BACE2: variants seen among roughly 807,000 people sequenced by gnomAD.
BACE2 encodes the protein beta-secretase 2.
A neutral mutation model predicts 46.2 loss-of-function variants in BACE2; 17 were observed. The observed-to-expected ratio is 0.37, with a 90% CI of 0.25 to 0.55. The LOEUF is 0.55. Among genes scored for constraint, BACE2 ranks in the 20% least tolerant of loss-of-function variants. The pLI is 0.82. For synonymous variants in BACE2, 277 were observed against 295.9 expected, an observed-to-expected ratio of 0.94 and a Z score of 0.66; for missense variants, 595 against 698.1, an observed-to-expected ratio of 0.85 and a Z score of 1.66.
At chr21:41,201,429 G>T (rs1335857447) in intron 1 of BACE2, among the ~76,000 whole-genome samples, 1 of 152,260 alleles carries the variant, frequency 6.6e-6, no homozygotes, top group Non-Finnish European at 1.5e-5. Flanking sequence ...AAGGGCTGAA[G>T]CCATCGAGCT....
chr21:41,275,719 T>C lies in BACE2; in HGVS notation c.*95T>C. 1 of 1,450,390 alleles carries C rather than the reference T, an allele frequency of 6.9e-7. No homozygotes were observed. Among genetic ancestry groups the C allele is most frequent in the Non-Finnish European group, 9.3e-7 (1 of 1,072,490 alleles). The allele number at this position is 1,450,390 out of a possible 1,614,324, so 89.8% of individuals were successfully genotyped here. A position where few individuals can be genotyped will look rare whatever the true frequency, so the allele number is the denominator to read the frequency against. On this transcript the variant is annotated 3_prime_UTR_variant, in exon 9 of 9. Transcript: ENST00000330333. ...CGGGATCGATGGTGGCGCTTTCTCC[T>C]GTGCCCACCCGTCTTCAATCTCTGT...
intron 1 of BACE2, among the ~76,000 whole-genome samples, chr21:41,206,975 T>C (rs966294390): frequency 5.3e-5 from 8 of 152,216 alleles, no homozygotes; most frequent in African/African-American, 1.4e-4. Flanking sequence ...TGTTGGTAAC[T>C]AGGGTAAAGT....
chr21:41,169,929 G>C (rs953934288), intron 1 of BACE2, among the ~76,000 whole-genome samples: 6 of 152,166 alleles, frequency 3.9e-5, no homozygotes, highest in Non-Finnish European at 8.8e-5. Flanking sequence ...ATGTGGTCTT[G>C]GTGCAGCCAA....
chr21:41,249,863 A>G (rs1458357744), intron 6 of BACE2, among the ~76,000 whole-genome samples: 4 of 152,168 alleles, frequency 2.6e-5, no homozygotes, highest in Admixed American at 1.3e-4. Context: ...TTAACTTGCC[A>G]TCTCAGCAAC....
At chr21:41,213,728 C>G (rs1320003866) in intron 1 of BACE2, among the ~76,000 whole-genome samples, 2 of 151,690 alleles carry the variant, frequency 1.3e-5, no homozygotes, top group Admixed American at 6.6e-5. Context: ...GAGCCAAGAT[C>G]GCGCCACTGC....
chr21:41,272,925 C>T (rs774260423), intron 8 of BACE2, among the ~76,000 whole-genome samples: 6 of 152,108 alleles, frequency 3.9e-5, no homozygotes, highest in East Asian at 1.9e-4. Flanking sequence ...CATTATTTCA[C>T]GTAGGTTCTT....
chr21:41,223,118 C>T (rs112862278), intron 1 of BACE2, among the ~76,000 whole-genome samples: 41 of 152,248 alleles, frequency 2.7e-4, no homozygotes, highest in African/African-American at 9.6e-4. Flanking sequence ...CTTTAGGAGG[C>T]CAAGACGAGA....
chr21:41,262,599 A>C (rs1245584149), intron 8 of BACE2, among the ~76,000 whole-genome samples: 1 of 152,154 alleles, frequency 6.6e-6, no homozygotes, highest in Non-Finnish European at 1.5e-5. Flanking sequence ...TTACAGAATT[A>C]ACTTGAGAAG....
At chr21:41,186,322 C>T (rs569992667) in intron 1 of BACE2, 3 of 152,420 alleles carry the variant, frequency 2.0e-5, no homozygotes, top group Non-Finnish European at 4.4e-5. Context: ...GGACACTTGG[C>T]TGTCCACTCA....
intron 1 of BACE2, among the ~76,000 whole-genome samples, chr21:41,218,212 C>T (rs1986533352): frequency 6.6e-6 from 1 of 152,098 alleles, no homozygotes; most frequent in Non-Finnish European, 1.5e-5. Flanking sequence ...AAGAATTCTT[C>T]AGTAACCAAG....
chr21:41,193,159 A>AT lies in BACE2; in HGVS notation c.312+24585dup, dbSNP rs2123516359. On this transcript the variant is annotated intron_variant, in intron 1 of 8. Coordinates refer to ENST00000330333, the MANE Select transcript of BACE2 (RefSeq NM_012105.5). This position sits in a 1 kb window ranked among gnomAD's most constrained non-coding sequence, Gnocchi z 4.2. ...GATCAAGGTCTCTCCAAATAAGATT[A>AT]TGACATAAAGCCGGAGAGTTTACTG... 6.6e-6 allele frequency among the ~76,000 whole-genome samples: 1 copy of AT among 152,316 alleles called. No homozygotes were observed. Among genetic ancestry groups the AT allele is most frequent in the South Asian group, 2.1e-4 (1 of 4,814 alleles).
chr21:41,234,223 T>C (rs9979662), intron 2 of BACE2, among the ~76,000 whole-genome samples: 2 of 152,154 alleles, frequency 1.3e-5, no homozygotes, highest in Non-Finnish European at 2.9e-5. Flanking sequence ...ATGTAAGACA[T>C]GCCTTTCACC....
At chr21:41,214,927 T>C (rs879544171) in intron 1 of BACE2, among the ~76,000 whole-genome samples, 2 of 146,810 alleles carry the variant, frequency 1.4e-5, no homozygotes, top group Non-Finnish European at 3.0e-5. Context: ...GAGGAAGAGG[T>C]ATGGGGGGAG....
chr21:41,243,441 G>A lies in BACE2; in HGVS notation c.813G>A (p.Glu271=), dbSNP rs1568883667. ...GDIWYTPIKE[E]WYYQIEILKL... ...TCTGGTATACCCCTATTAAGGAAGA[G>A]TGGTACTACCAGATAGAAATTCTGA... Residue 271 remains glutamate (E), a synonymous_variant, in exon 5 of 9, where the codon GAG becomes GAA. Transcript: ENST00000330333. 13 of 1,613,098 alleles carry A rather than the reference G, an allele frequency of 8.1e-6. No individual in the cohort carries two copies. The East Asian group carries it at 2.7e-4, about 33-fold the overall frequency.
intron 1 of BACE2, among the ~76,000 whole-genome samples, chr21:41,172,577 C>T (rs771826769): frequency 7.9e-5 from 12 of 152,250 alleles, no homozygotes; most frequent in Non-Finnish European, 1.3e-4. Flanking sequence ...AGTCTTTGCA[C>T]GTCACTGCCG....
intron 2 of BACE2, among the ~76,000 whole-genome samples, chr21:41,234,486 C>T (rs1034043557): frequency 6.6e-6 from 1 of 152,212 alleles, no homozygotes; most frequent in African/African-American, 2.4e-5. Flanking sequence ...GCTGCTTCCA[C>T]ATTACGTTTG....
chr21:41,246,608 A>G lies in BACE2; in HGVS notation c.984+545A>G, dbSNP rs911416195. ...ATTTTTTCACAGAAGACAAAGAACAATCAGCCAATCTAATAATTATTTTAT... is the reference window on the plus strand; with the variant it reads ...ATTTTTTCACAGAAGACAAAGAACAGTCAGCCAATCTAATAATTATTTTAT... On this transcript the variant is annotated intron_variant, in intron 6 of 8. Coordinates refer to ENST00000330333, the MANE Select transcript of BACE2 (RefSeq NM_012105.5). Among the ~76,000 whole-genome samples, 60 of 152,224 alleles carry G rather than the reference A, an allele frequency of 3.9e-4. 1 individual carries two copies. The highest frequency in any genetic ancestry group is 1.2e-4 in the Non-Finnish European group (8 of 68,038).
In BACE2 at chr21:41,227,945, C is replaced by T. The variant is rs529871380; in HGVS notation, c.401+1591C>T. Among the ~76,000 whole-genome samples the T allele has an allele frequency of 3.3e-5, 5 of 152,326 alleles. No individual in the cohort carries two copies. The South Asian group carries it at 1.0e-3, about 32-fold the overall frequency. On this transcript the variant is annotated intron_variant, in intron 2 of 8. Coordinates refer to ENST00000330333, the MANE Select transcript of BACE2 (RefSeq NM_012105.5). Reference sequence around the variant, plus strand: ...ACCTCCAACTGTTCACTCTGGACTGCTCATCATGGAACAGGACTTGGAGTT... The same window carrying T: ...ACCTCCAACTGTTCACTCTGGACTGTTCATCATGGAACAGGACTTGGAGTT...
chr21:41,204,921 T>A lies in BACE2; in HGVS notation c.313-21345T>A, dbSNP rs776140524. On this transcript the variant is annotated intron_variant, in intron 1 of 8. Transcript: ENST00000330333. ...AAGAGAATAATATCTTTGATCACTA[T>A]ATGCCTATTAAAATACTTTTTTTTT... is the stretch of plus-strand genomic sequence containing the variant. Among the ~76,000 whole-genome samples the A allele has an allele frequency of 9.9e-4, 151 of 152,236 alleles. 1 individual carries two copies. The highest frequency in any genetic ancestry group is 2.0e-3 in the Non-Finnish European group (138 of 68,040).
Sources: gnomAD v4.1 joint callset for allele counts (sites outside exome capture counted in the v4.1 genomes callset) on GRCh38, gnomAD v4.1.1 for gene constraint, Gnocchi (gnomAD v3.1) non-coding constraint, MANE v1.5 for transcripts, NCBI Gene and HGNC (gene_info 2026-07-23, HGNC 2026-07-21) for gene names.